Variants in SND1 observed in about 807,000 individuals in gnomAD.
The protein encoded by SND1 is staphylococcal nuclease domain-containing protein 1.
A neutral mutation model predicts 121.7 loss-of-function variants in SND1; 38 were observed. That is an observed-to-expected ratio of 0.31 (90% CI 0.24 to 0.41). The LOEUF is 0.41. SND1 is among the 10% of genes least tolerant of loss of function. The pLI, the probability that SND1 is intolerant of heterozygous loss-of-function variation, is 1.00. For missense variants in SND1, 868 were observed against 1,184.6 expected, an observed-to-expected ratio of 0.73 and a Z score of 3.92; for synonymous variants, 401 against 447.4, an observed-to-expected ratio of 0.90 and a Z score of 1.31.
chr7:128,024,754 G>C (rs1192183027), intron 16 of SND1, among the ~76,000 whole-genome samples: 2 of 152,218 alleles, frequency 1.3e-5, no homozygotes, highest in Admixed American at 1.3e-4. Context: ...GTGTTAAAAA[G>C]TCCTGGAGCA....
At chr7:127,665,999 A>G (rs1795411769) in intron 1 of SND1, among the ~76,000 whole-genome samples, 2 of 152,172 alleles carry the variant, frequency 1.3e-5, no homozygotes, top group African/African-American at 2.4e-5. Flanking sequence ...TGTGTGTGGT[A>G]ATTACTTGCA....
chr7:128,007,820 A>T (rs1199305312), intron 16 of SND1, among the ~76,000 whole-genome samples: 1 of 152,224 alleles, frequency 6.6e-6, no homozygotes, highest in Non-Finnish European at 1.5e-5. Flanking sequence ...GTTTCCAAGG[A>T]CTTGAGCATA....
intron 16 of SND1, among the ~76,000 whole-genome samples, chr7:128,067,336 T>C (rs940515374): frequency 1.3e-5 from 2 of 152,166 alleles, no homozygotes; most frequent in Non-Finnish European, 2.9e-5. Context: ...TTGTTGCTGG[T>C]TGCTTTAGGA....
At chr7:127,997,650 T>C (rs1372345145) in intron 16 of SND1, 1 of 504,116 alleles carries the variant, frequency 2.0e-6, no homozygotes. Flanking sequence ...TGGGATAAAG[T>C]CTTATCTCAG....
chr7:127,825,313 G>T lies in SND1; in HGVS notation c.1242+17740G>T, dbSNP rs557965543. On this transcript the variant is annotated intron_variant, in intron 11 of 23. Coordinates refer to ENST00000354725, the MANE Select transcript of SND1 (RefSeq NM_014390.4). ...TTTAGTAGAGATGGGGTTTCACCAT[G>T]TTGGCCAGGATGGTCTCAATCTCCT... Among the ~76,000 whole-genome samples the T allele has an allele frequency of 1.1e-4, 16 of 152,012 alleles. 1 individual carries two copies. The South Asian group carries it at 2.1e-3, about 20-fold the overall frequency.
intron 1 of SND1, among the ~76,000 whole-genome samples, chr7:127,665,189 A>AT (rs35105011): frequency 1.2e-3 from 171 of 141,802 alleles, no homozygotes; most frequent in Middle Eastern, 3.6e-3. Flanking sequence ...GACAGTCAAC[A>AT]TTTTTTTTTT....
intron 11 of SND1, among the ~76,000 whole-genome samples, chr7:127,821,405 T>C (rs1421027084): frequency 6.6e-6 from 1 of 152,208 alleles, no homozygotes; most frequent in East Asian, 1.9e-4. Flanking sequence ...CAGCTTTCTG[T>C]AATTCACCTT....
chr7:127,793,538 G>A (rs1481437988), intron 10 of SND1, among the ~76,000 whole-genome samples: 1 of 152,170 alleles, frequency 6.6e-6, no homozygotes, highest in Non-Finnish European at 1.5e-5. Context: ...TAGGGTGCCA[G>A]CAGTAGGAAA....
intron 9 of SND1, 119 bp downstream of exon 9, chr7:127,707,766 A>AGTGTGTGT (rs35627839): frequency 0.017 from 6,914 of 408,484 alleles, 67 homozygotes; most frequent in Non-Finnish European, 0.02. Context: ...AGCCAGTAGG[A>AGTGTGTGT]GTGTGTGTGT....
chr7:128,085,607 C>A lies in SND1; in HGVS notation c.2235-104C>A. 9.9e-7 allele frequency: 1 copy of A among 1,007,076 alleles called. No individual in the cohort carries two copies. Among genetic ancestry groups the A allele is most frequent in the Non-Finnish European group, 1.5e-6 (1 of 646,008 alleles). The allele number at this position is 1,007,076 out of a possible 1,614,324, so 62.4% of individuals were successfully genotyped here. A position where few individuals can be genotyped will look rare whatever the true frequency, so the allele number is the denominator to read the frequency against. On this transcript the variant is annotated intron_variant, in intron 19 of 23. Coordinates refer to ENST00000354725, the MANE Select transcript of SND1 (RefSeq NM_014390.4). This position sits in a 1 kb window ranked among gnomAD's most constrained non-coding sequence, Gnocchi z 4.4. Reference sequence around the variant, plus strand: ...ACTGTCCCCTGTGACACCCGTTGAACCCAGGCAGGGAAATGCTGTGCCCCT... The same window carrying A: ...ACTGTCCCCTGTGACACCCGTTGAAACCAGGCAGGGAAATGCTGTGCCCCT...
At chr7:127,711,984 A>G (rs796964830) in intron 9 of SND1, among the ~76,000 whole-genome samples, 1 of 150,508 alleles carries the variant, frequency 6.6e-6, no homozygotes, top group South Asian at 2.1e-4. Context: ...CGCACTCACT[A>G]TGTTCTTCAA....
intron 15 of SND1, among the ~76,000 whole-genome samples, chr7:127,963,014 A>G (rs955494048): frequency 9.2e-5 from 14 of 152,176 alleles, no homozygotes; most frequent in African/African-American, 2.9e-4. Flanking sequence ...CAAATCAACA[A>G]TTACTTTATA....
At chr7:128,073,396 A>G (rs1793447787) in intron 16 of SND1, among the ~76,000 whole-genome samples, 1 of 152,168 alleles carries the variant, frequency 6.6e-6, no homozygotes, top group Non-Finnish European at 1.5e-5. Flanking sequence ...CGCAGAGGGT[A>G]TTCAAGGATG....
At chr7:127,660,643 C>T (rs1385671564) in intron 1 of SND1, among the ~76,000 whole-genome samples, 1 of 152,156 alleles carries the variant, frequency 6.6e-6, no homozygotes, top group Admixed American at 6.5e-5. Context: ...TGAGCATTTT[C>T]TTTGAGCATT....
intron 11 of SND1, among the ~76,000 whole-genome samples, chr7:127,834,551 G>C (rs1427126121): frequency 6.6e-6 from 1 of 152,144 alleles, no homozygotes; most frequent in Non-Finnish European, 1.5e-5. Flanking sequence ...TGCACGCCGT[G>C]CCTTTGATCA....
intron 15 of SND1, among the ~76,000 whole-genome samples, chr7:127,972,639 G>C (rs1303964254): frequency 6.6e-6 from 1 of 151,908 alleles, no homozygotes; most frequent in African/African-American, 2.4e-5. Context: ...TCACCCAGGG[G>C]CCCAATCTCT....
chr7:127,753,685 G>A (rs556139000), intron 10 of SND1, among the ~76,000 whole-genome samples: 1 of 152,294 alleles, frequency 6.6e-6, no homozygotes, highest in African/African-American at 2.4e-5. Context: ...GTAAGGTAGA[G>A]CAGTCTGGTG....
chr7:127,694,052 G>C (rs1384971823), intron 2 of SND1, among the ~76,000 whole-genome samples: 2 of 152,190 alleles, frequency 1.3e-5, no homozygotes, highest in Non-Finnish European at 1.5e-5. Context: ...TGAGAGGAAA[G>C]AATCACCATT....
chr7:127,883,789 C>G (rs1799842876), intron 12 of SND1, among the ~76,000 whole-genome samples: 1 of 152,134 alleles, frequency 6.6e-6, no homozygotes, highest in Non-Finnish European at 1.5e-5. Flanking sequence ...CTTTCTTTGA[C>G]CATCATGGCC....
Sources: allele counts gnomAD v4.1 joint callset (sites outside exome capture counted in the v4.1 genomes callset), GRCh38; gene constraint gnomAD v4.1.1; non-coding constraint Gnocchi (gnomAD v3.1); transcripts MANE v1.5; gene names NCBI Gene and HGNC (gene_info 2026-07-23, HGNC 2026-07-21).